ASIC2: variants seen among roughly 807,000 people sequenced by gnomAD.
ASIC2 encodes the protein acid sensing ion channel subunit 2, also known as acid-sensing ion channel 2.
In ASIC2, 25 loss-of-function variants were observed where a neutral mutation model predicts 57.3. The observed-to-expected ratio is 0.44, with a 90% CI of 0.32 to 0.61. The LOEUF is 0.61. Ranked by LOEUF, ASIC2 falls within the 20% of genes least tolerant of loss-of-function variation. ASIC2 has a pLI of 0.06. For synonymous variants in ASIC2, 319 were observed against 307.5 expected (o/e 1.04, Z -0.39); for missense variants, 641 against 738.1 (o/e 0.87, Z 1.52).
chr17:33,360,076 A>G (rs1462836341), intron 1 of ASIC2, among the ~76,000 whole-genome samples: 1 of 152,194 alleles, frequency 6.6e-6, no homozygotes, highest in Non-Finnish European at 1.5e-5. Flanking sequence ...TGTGTCACTG[A>G]TAGTAGACAA....
At chr17:33,181,223 C>T (rs1185594265) in intron 1 of ASIC2, among the ~76,000 whole-genome samples, 1 of 152,068 alleles carries the variant, frequency 6.6e-6, no homozygotes, top group African/African-American at 2.4e-5. Flanking sequence ...AGTCCTTTAC[C>T]CTCTCAGCAC....
chr17:33,093,522 G>T (rs2092165825), intron 2 of ASIC2, among the ~76,000 whole-genome samples: 1 of 152,018 alleles, frequency 6.6e-6, no homozygotes, highest in Admixed American at 6.6e-5. Context: ...CTTGTTAATT[G>T]GTACCAAGCT....
intron 3 of ASIC2, among the ~76,000 whole-genome samples, chr17:33,076,939 G>A (rs1339489053): frequency 6.6e-6 from 1 of 152,192 alleles, no homozygotes; most frequent in Non-Finnish European, 1.5e-5. Context: ...CTTTAGGGCA[G>A]ATTCTAAGAA....
At chr17:33,623,423 C>A (rs4795819) in intron 1 of ASIC2, 65,297 of 149,780 alleles carry the variant, frequency 0.44, 14,455 homozygotes, top group African/African-American at 0.52. Context: ...CCACGCCCAG[C>A]CAATTTTTTT....
intron 1 of ASIC2, among the ~76,000 whole-genome samples, chr17:33,990,436 T>C (rs1905964758): frequency 6.6e-6 from 1 of 152,228 alleles, no homozygotes; most frequent in Non-Finnish European, 1.5e-5. Flanking sequence ...ATTGTACATT[T>C]GGAAAGCAAA....
intron 1 of ASIC2, among the ~76,000 whole-genome samples, chr17:33,939,611 G>A (rs1024261259): frequency 2.6e-5 from 4 of 152,234 alleles, no homozygotes; most frequent in African/African-American, 9.6e-5. Flanking sequence ...CAAACTGGCT[G>A]TACTGGATTT....
chr17:33,592,891 C>G (rs1328800566), intron 1 of ASIC2, among the ~76,000 whole-genome samples: 1 of 152,216 alleles, frequency 6.6e-6, no homozygotes, highest in Non-Finnish European at 1.5e-5. Context: ...GAATCCATCT[C>G]TTCTTTCCAT....
intron 1 of ASIC2, among the ~76,000 whole-genome samples, chr17:33,196,025 C>A (rs1472590854): frequency 6.6e-6 from 1 of 152,174 alleles, no homozygotes; most frequent in African/African-American, 2.4e-5. Flanking sequence ...GTGCTGTGTG[C>A]CGGATACCCC....
intron 1 of ASIC2, among the ~76,000 whole-genome samples, chr17:34,096,478 G>C (rs1227043227): frequency 6.6e-6 from 1 of 152,170 alleles, no homozygotes; most frequent in African/African-American, 2.4e-5. Context: ...ATTTTAACCA[G>C]AGAGCAATGG....
intron 1 of ASIC2, among the ~76,000 whole-genome samples, chr17:33,845,584 T>C (rs1170378144): frequency 6.6e-6 from 1 of 152,050 alleles, no homozygotes. Context: ...ATTTTCCAAG[T>C]TGAGAAATGG....
At chr17:34,027,551 C>T (rs557680968) in intron 1 of ASIC2, among the ~76,000 whole-genome samples, 5 of 152,294 alleles carry the variant, frequency 3.3e-5, no homozygotes, top group East Asian at 3.9e-4. Flanking sequence ...CTCTAGAGGC[C>T]CTAAGAAGTA....
intron 1 of ASIC2, among the ~76,000 whole-genome samples, chr17:33,276,038 C>G (rs1251090852): frequency 6.6e-6 from 1 of 152,078 alleles, no homozygotes; most frequent in African/African-American, 2.4e-5. Flanking sequence ...CAGCACCAGA[C>G]TGGAGAGGCC....
intron 1 of ASIC2, among the ~76,000 whole-genome samples, chr17:34,154,990 C>T (rs935058069): frequency 6.6e-6 from 1 of 152,142 alleles, no homozygotes; most frequent in East Asian, 1.9e-4. Flanking sequence ...CAGTGCTCCT[C>T]TCGTCCTTTC....
At chr17:34,012,981 C>G (rs902978588) in intron 1 of ASIC2, among the ~76,000 whole-genome samples, 1 of 152,168 alleles carries the variant, frequency 6.6e-6, no homozygotes, top group Non-Finnish European at 1.5e-5. Flanking sequence ...CTGGAGGAGG[C>G]AGCCCCCCTG....
chr17:33,413,680 A>G (rs74817383), intron 1 of ASIC2, among the ~76,000 whole-genome samples: 16,834 of 152,220 alleles, frequency 0.11, 1,017 homozygotes, highest in Middle Eastern at 0.16. Context: ...TCACATGTTC[A>G]GCCTTGGCCC....
intron 1 of ASIC2, among the ~76,000 whole-genome samples, chr17:33,373,157 A>G (rs891774529): frequency 6.6e-6 from 1 of 152,198 alleles, no homozygotes. Context: ...ATGTCCCTGG[A>G]TCCTATGGCA....
At chr17:33,067,152 T>C (rs139919203) in intron 3 of ASIC2, among the ~76,000 whole-genome samples, 1 of 152,090 alleles carries the variant, frequency 6.6e-6, no homozygotes, top group Non-Finnish European at 1.5e-5. Context: ...TGCAGATAAA[T>C]AATGGGGCCA....
intron 1 of ASIC2, among the ~76,000 whole-genome samples, chr17:34,110,865 G>A (rs1010411976): frequency 5.3e-5 from 8 of 151,944 alleles, no homozygotes; most frequent in South Asian, 2.1e-4. Flanking sequence ...TGATCATATC[G>A]TCCAGCATCT....
chr17:33,251,836 G>A (rs1908895386), intron 1 of ASIC2, among the ~76,000 whole-genome samples: 1 of 152,098 alleles, frequency 6.6e-6, no homozygotes, highest in Admixed American at 6.6e-5. Flanking sequence ...ACCCCAAGTT[G>A]TTTCTAAAGG....
Sources: gnomAD v4.1 joint callset for allele counts (sites outside exome capture counted in the v4.1 genomes callset) on GRCh38, gnomAD v4.1.1 for gene constraint, MANE v1.5 for transcripts, NCBI Gene and HGNC (gene_info 2026-07-23, HGNC 2026-07-21) for gene names.